KCNT1: variants seen among roughly 807,000 people sequenced by gnomAD.
The protein encoded by KCNT1 is potassium channel subfamily T member 1.
In KCNT1, 78 loss-of-function variants were observed where a neutral mutation model predicts 147.8. The observed-to-expected ratio is 0.53, with a 90% confidence interval of 0.44 to 0.64. KCNT1 has a LOEUF of 0.64. Among genes scored for constraint, KCNT1 ranks in the 30% least tolerant of loss-of-function variants. The pLI is 0.00. For synonymous variants in KCNT1, 867 were observed against 748.8 expected (o/e 1.16, Z -2.58); for missense variants, 1,419 against 1,750.3 (o/e 0.81, Z 3.38).
intron 28 of KCNT1, 71 bp from the exon 29 acceptor site, chr9:135,786,126 C>T (rs910961027): frequency 1.4e-6 from 2 of 1,416,162 alleles, no homozygotes; most frequent in Non-Finnish European, 1.9e-6. Context: ...TTCCTAAGCC[C>T]CTGCCCCAAA....
chr9:135,702,399 G>C, intron 1 of KCNT1, 31 bp downstream of exon 1: 8 of 1,530,450 alleles, frequency 5.2e-6, no homozygotes, highest in Non-Finnish European at 7.1e-6. Flanking sequence ...CCCACGCGGG[G>C]AGGCCCCGGT....
chr9:135,773,287 G>A (rs913912938), intron 19 of KCNT1, among the ~76,000 whole-genome samples: 2 of 152,306 alleles, frequency 1.3e-5, no homozygotes, highest in Admixed American at 1.3e-4. Context: ...GCCACCCTCA[G>A]AGAGGGGCCC....
At position 135,714,493 on chromosome 9, in the gene KCNT1, C is replaced by CA; in HGVS notation, c.111-84_111-83insA. The CA allele has an allele frequency of 3.3e-6, 3 of 908,414 alleles. No homozygotes were observed. Among genetic ancestry groups the CA allele is most frequent in the Non-Finnish European group, 3.9e-6 (3 of 763,544 alleles). The allele number at this position is 908,414 out of a possible 1,614,324, so 56.3% of individuals were successfully genotyped here. A position where few individuals can be genotyped will look rare whatever the true frequency, so the allele number is the denominator to read the frequency against. ...CGCGGTGGCCGCGGGCTGCGCTGCG[C>CA]GGGCCGGGCCTGGCGGGCCGGGGGC... On this transcript the variant is annotated intron_variant, in intron 1 of 30. Coordinates refer to ENST00000371757, the MANE Select transcript of KCNT1 (RefSeq NM_020822.3). The surrounding 1 kb of genome is among the most constrained non-coding windows in gnomAD (Gnocchi z 6.2).
rs999619974 is a variant in KCNT1, at chr9:135,792,532, G to A, written c.*371G>A. The A allele has an allele frequency of 1.0e-5, 2 of 194,224 alleles. No homozygotes were observed. The highest frequency in any genetic ancestry group is 9.1e-5 in the South Asian group (1 of 10,968). The allele number at this position is 194,224 out of a possible 1,614,324, so 12.0% of individuals were successfully genotyped here. A position where few individuals can be genotyped will look rare whatever the true frequency, so the allele number is the denominator to read the frequency against. On this transcript the variant is annotated 3_prime_UTR_variant, in exon 31 of 31. Transcript: ENST00000371757. Reference sequence around the variant, plus strand: ...GTGGGGCTGGGGTGCATGGGGAGGGGAGCAGAACCCAGAACCCAGGAGCCC... The same window carrying A: ...GTGGGGCTGGGGTGCATGGGGAGGGAAGCAGAACCCAGAACCCAGGAGCCC...
At chr9:135,769,501 C>A (rs939921469) in intron 15 of KCNT1, among the ~76,000 whole-genome samples, 13 of 152,202 alleles carry the variant, frequency 8.5e-5, no homozygotes, top group African/African-American at 2.7e-4. Flanking sequence ...CAGATGAAGT[C>A]TTATGCTGGG....
intron 2 of KCNT1, among the ~76,000 whole-genome samples, chr9:135,740,815 AC>A (rs1830529295): frequency 6.6e-6 from 1 of 152,226 alleles, no homozygotes; most frequent in Non-Finnish European, 1.5e-5. Flanking sequence ...CAGGCCACCA[AC>A]CGCTGGGACA....
intron 2 of KCNT1, among the ~76,000 whole-genome samples, chr9:135,732,336 A>C (rs1326807036): frequency 6.6e-6 from 1 of 152,106 alleles, no homozygotes; most frequent in Admixed American, 6.5e-5. Context: ...TATTTTAAAT[A>C]CCAAAAACTA....
chr9:135,736,890 G>T lies in KCNT1; in HGVS notation c.255-13208G>T, dbSNP rs1463059769. The T allele has an allele frequency of 1.8e-5, 5 of 280,546 alleles. No homozygotes were observed. In the South Asian group the frequency reaches 5.0e-4, roughly 28 times the overall value. The allele number at this position is 280,546 out of a possible 1,614,324, so 17.4% of individuals were successfully genotyped here. A position where few individuals can be genotyped will look rare whatever the true frequency, so the allele number is the denominator to read the frequency against. On this transcript the variant is annotated intron_variant, in intron 2 of 30. Transcript: ENST00000371757. ...CCTGCGTTGCCTGCAGCCCGGGGAA[G>T]GGGGGAGGCCAGGGTCTCCCCTCCT...
intron 12 of KCNT1, 63 bp downstream of exon 12, chr9:135,765,258 T>TC: frequency 1.4e-6 from 2 of 1,478,100 alleles, no homozygotes; most frequent in Non-Finnish European, 9.4e-7. Flanking sequence ...CGCCATCCTC[T>TC]CCCCAGGACT....
rs200314706 is a variant in KCNT1 at position 135,730,763 on chromosome 9, A to G, written c.254+16043A>G. Among the ~76,000 whole-genome samples the G allele has an allele frequency of 3.3e-5, 5 of 152,104 alleles. No individual in the cohort carries two copies. Among genetic ancestry groups the G allele is most frequent in the Admixed American group, 6.5e-5 (1 of 15,270 alleles). ...CACTTTGGGAGGCCAAGGCAGGCAG[A>G]TCTCTCGAGCTCAGGAGTTCCAGAC... On this transcript the variant is annotated intron_variant, in intron 2 of 30. Transcript: ENST00000371757. This position sits in a 1 kb window ranked among gnomAD's most constrained non-coding sequence, Gnocchi z 4.7.
intron 24 of KCNT1, among the ~76,000 whole-genome samples, chr9:135,783,249 C>T (rs1004635071): frequency 2.0e-5 from 3 of 152,230 alleles, no homozygotes; most frequent in Non-Finnish European, 4.4e-5. Flanking sequence ...GGCAGGTTCA[C>T]GCCGTCAGGG....
chr9:135,771,059 G>A lies in KCNT1; in HGVS notation c.1972G>A (p.Ala658Thr), dbSNP rs760588512. 6.2e-7 allele frequency: 1 copy of A among 1,611,506 alleles called. No homozygotes were observed. The highest frequency in any genetic ancestry group is 1.1e-5 in the South Asian group (1 of 90,682). Residue 658 changes from alanine to threonine, a missense_variant, in exon 18 of 31, where the codon GCC becomes ACC. By Grantham distance (58) the Ala-to-Thr change is moderately conservative. This residue lies in a region of KCNT1 where 284 missense variants were observed against 292.8 expected (regional missense o/e 0.97). Transcript: ENST00000371757. ...FSGQGLHEGP[A>T]RLPVHSIIAS... is the part of the protein sequence containing the mutation. ...GGGGCAGGGGCTGCACGAGGGTCCG[G>A]CCCGCCTGCCCGTGCACAGCATCAT...
At position 135,784,568 on chromosome 9, in the gene KCNT1, C is replaced by T. The variant is rs368252006; in HGVS notation, c.2977C>T (p.Arg993Trp). 15 of 1,535,222 alleles carry T rather than the reference C, an allele frequency of 9.8e-6. No individual in the cohort carries two copies. The highest frequency in any genetic ancestry group is 5.0e-5 in the East Asian group (2 of 39,712). ...FVKDYMITIT[R>W]LLLGLDTTPG... ...GAAGGACTACATGATCACCATCACC[C>T]GGCTGCTGCTGGGCCTGGACACCAC... The change falls in exon 26 of 31, where the codon CGG becomes TGG. Residue 993 changes from arginine to tryptophan, a missense_variant. Transcript: ENST00000371757.
At chr9:135,766,531 T>TG (rs1447688604) in intron 13 of KCNT1, 1 of 152,100 alleles carries the variant, frequency 6.6e-6, no homozygotes, top group Non-Finnish European at 1.5e-5. Context: ...CCCTCTTGGG[T>TG]GGACCATCTG....
chr9:135,737,015 G>A, intron 2 of KCNT1: 1 of 269,722 alleles, frequency 3.7e-6, no homozygotes, highest in Non-Finnish European at 7.0e-6. Context: ...CGGCGGGGCT[G>A]CAGGTGAGAC....
chr9:135,731,646 C>T (rs181766376), intron 2 of KCNT1, among the ~76,000 whole-genome samples: 33 of 152,144 alleles, frequency 2.2e-4, no homozygotes, highest in Admixed American at 1.7e-3. Context: ...TCTCTAGACT[C>T]GAGTGACATT....
chr9:135,788,139 G>A (rs746160320), intron 29 of KCNT1: 9 of 1,612,888 alleles, frequency 5.6e-6, no homozygotes, highest in South Asian at 1.1e-5. Flanking sequence ...GTCATGAATC[G>A]GGTAAACCTG....
At position 135,785,447 on chromosome 9, in the gene KCNT1, C is replaced by T. The variant is rs1022363120; in HGVS notation, c.3177+117C>T. ...CCCACCCACAGGGCCCTGGGAAAGC[C>T]GAGGCAGGAGCGGGTCCCACGGATG... On this transcript the variant is annotated intron_variant, in intron 28 of 30. Transcript: ENST00000371757. 3.6e-5 allele frequency: 48 copies of T among 1,340,074 alleles called. 1 individual carries two copies. The highest frequency in any genetic ancestry group is 4.2e-5 in the Non-Finnish European group (41 of 980,272). 83.0% of individuals were successfully genotyped at this position (1,340,074 alleles called of 1,614,324 possible). A position where few individuals can be genotyped will look rare whatever the true frequency, so the allele number is the denominator to read the frequency against.
chr9:135,716,576 A>G (rs1835729129), intron 2 of KCNT1, among the ~76,000 whole-genome samples: 1 of 152,178 alleles, frequency 6.6e-6, no homozygotes, highest in African/African-American at 2.4e-5. Flanking sequence ...AATCTCCTTA[A>G]CCACTGGGAC....
Sources: allele counts gnomAD v4.1 joint callset (sites outside exome capture counted in the v4.1 genomes callset), GRCh38; gene constraint gnomAD v4.1.1; regional missense constraint gnomAD v4.1.1; non-coding constraint Gnocchi (gnomAD v3.1); transcripts MANE v1.5; gene names NCBI Gene and HGNC (gene_info 2026-07-23, HGNC 2026-07-21).